Variants in SGCD observed in about 807,000 individuals in gnomAD.
SGCD encodes sarcoglycan delta.
Under a neutral mutation model 36.6 loss-of-function variants are expected in SGCD, and 18 were observed. That is an observed-to-expected ratio of 0.49 (90% CI 0.34 to 0.73). SGCD has a LOEUF of 0.73. Among genes scored for constraint, SGCD ranks in the 30% least tolerant of loss-of-function variants. SGCD has a pLI of 0.01. For synonymous variants in SGCD, 133 were observed against 130.6 expected, an observed-to-expected ratio of 1.02 and a Z score of -0.12; for missense variants, 387 against 346.7, an observed-to-expected ratio of 1.12 and a Z score of -0.92.
chr5:155,817,171 C>T, the SGCD span, among the ~76,000 whole-genome samples: 1 of 152,192 alleles, frequency 6.6e-6, no homozygotes, highest in South Asian at 2.1e-4. Context: ...CTTAATATTG[C>T]ATATTTAGAT....
At chr5:156,220,246 A>T (rs115765884) in intron 3 of SGCD, among the ~76,000 whole-genome samples, 1 of 152,280 alleles carries the variant, frequency 6.6e-6, no homozygotes, top group Non-Finnish European at 1.5e-5. Flanking sequence ...TTGCTATAGA[A>T]GTCCTGCTCC....
rs116258549 is a variant in SGCD at position 156,647,733 on chromosome 5, G to A, written c.575+197G>A. On this transcript the variant is annotated intron_variant, in intron 7 of 8. Transcript: ENST00000337851. ...AACTTAAAATTGAGGATCTGGATGG[G>A]GTAAAAGGTTGCCCACTTTGTGAAA... Among the ~76,000 whole-genome samples, 183 of 152,166 alleles carry A rather than the reference G, an allele frequency of 1.2e-3. 1 individual carries two copies. The highest frequency in any genetic ancestry group is 4.1e-3 in the African/African-American group (172 of 41,536).
chr5:156,091,870 G>A (rs1761252605), intron 1 of SGCD, among the ~76,000 whole-genome samples: 1 of 152,212 alleles, frequency 6.6e-6, no homozygotes, highest in Non-Finnish European at 1.5e-5. Context: ...GATTTCACAG[G>A]TGGCTGCCAC....
chr5:156,327,818 C>T (rs1767879980), intron 1 of SGCD, among the ~76,000 whole-genome samples: 1 of 152,128 alleles, frequency 6.6e-6, no homozygotes, highest in Non-Finnish European at 1.5e-5. Flanking sequence ...ATTTGACTGT[C>T]AGTGATATAT....
the SGCD span, among the ~76,000 whole-genome samples, chr5:155,837,583 A>G: frequency 4.6e-5 from 7 of 152,226 alleles, no homozygotes; most frequent in African/African-American, 1.7e-4. Flanking sequence ...AAAGAGGGAC[A>G]TAAGTCATGG....
intron 3 of SGCD, among the ~76,000 whole-genome samples, chr5:156,124,331 G>T (rs765488315): frequency 5.9e-5 from 9 of 152,000 alleles, no homozygotes; most frequent in Non-Finnish European, 1.2e-4. Context: ...GAGAAATGGG[G>T]GTAGATACTT....
intron 7 of SGCD, among the ~76,000 whole-genome samples, chr5:156,735,231 T>C (rs1281849555): frequency 6.6e-6 from 1 of 152,126 alleles, no homozygotes; most frequent in African/African-American, 2.4e-5. Context: ...AGACCCTGGT[T>C]GGGAGGCTCC....
intron 6 of SGCD, among the ~76,000 whole-genome samples, chr5:156,603,371 CA>C (rs1261197021): frequency 2.0e-5 from 3 of 151,470 alleles, no homozygotes; most frequent in Admixed American, 6.6e-5. Flanking sequence ...TTTATATTTT[CA>C]AAAAAACAAC....
At chr5:155,964,729 C>A (rs1188939024) in intron 1 of SGCD, among the ~76,000 whole-genome samples, 1 of 152,078 alleles carries the variant, frequency 6.6e-6, no homozygotes, top group Non-Finnish European at 1.5e-5. Flanking sequence ...GAATCCATGA[C>A]AGAGCTAAGA....
chr5:155,973,967 G>GT (rs1758058330), intron 1 of SGCD, among the ~76,000 whole-genome samples: 1 of 152,168 alleles, frequency 6.6e-6, no homozygotes, highest in South Asian at 2.1e-4. Context: ...GCAGATGAAA[G>GT]TAAGGGTGAA....
chr5:156,279,842 A>G (rs1051849483), intron 3 of SGCD, among the ~76,000 whole-genome samples: 1 of 152,144 alleles, frequency 6.6e-6, no homozygotes, highest in African/African-American at 2.4e-5. Context: ...GTTTTGTACA[A>G]AATTCAGGCA....
At chr5:156,428,296 TCTC>T (rs1773765826) in intron 3 of SGCD, among the ~76,000 whole-genome samples, 1 of 152,156 alleles carries the variant, frequency 6.6e-6, no homozygotes, top group Admixed American at 6.6e-5. Context: ...AATTTATCCA[TCTC>T]CTCTAGTGTT....
Position 155,954,579 on chromosome 5 carries a change from T to TG in SGCD, c.-282+84158dup, listed in dbSNP as rs1554106856. 9.4e-4 allele frequency among the ~76,000 whole-genome samples: 142 copies of TG among 150,688 alleles called. 1 individual carries two copies. Among genetic ancestry groups the TG allele is most frequent in the African/African-American group, 1.7e-3 (70 of 40,730 alleles). On this transcript the variant is annotated intron_variant, in intron 1 of 9. Transcript: ENST00000517913. Reference sequence around the variant, plus strand: ...TATGGGGTTCTTTTTTTTTTTTTTTTGGGTTAAATGACTAGAATATAAAAC... The same window carrying TG: ...TATGGGGTTCTTTTTTTTTTTTTTTTGGGGTTAAATGACTAGAATATAAAAC...
intron 3 of SGCD, among the ~76,000 whole-genome samples, chr5:156,381,280 C>A (rs893593184): frequency 6.6e-6 from 1 of 152,168 alleles, no homozygotes; most frequent in Non-Finnish European, 1.5e-5. Flanking sequence ...TGTGTTCATT[C>A]TGGAAAAAGA....
At chr5:156,527,483 G>A (rs1353313745) in intron 4 of SGCD, among the ~76,000 whole-genome samples, 2 of 152,092 alleles carry the variant, frequency 1.3e-5, no homozygotes, top group African/African-American at 4.8e-5. Context: ...GATGATGTGG[G>A]GAGTTAAAAC....
At chr5:156,563,227 C>T (rs571298028) in intron 4 of SGCD, among the ~76,000 whole-genome samples, 67 of 152,226 alleles carry the variant, frequency 4.4e-4, no homozygotes, top group Middle Eastern at 3.4e-3. Context: ...GGTGATCCAC[C>T]CACCTCGGCC....
intron 4 of SGCD, among the ~76,000 whole-genome samples, chr5:156,563,372 G>A (rs912240533): frequency 1.3e-5 from 2 of 152,012 alleles, no homozygotes; most frequent in Non-Finnish European, 1.5e-5. Context: ...CTTTTTAACC[G>A]ATAATTAGTC....
At chr5:156,622,313 A>G (rs1762279856) in intron 6 of SGCD, among the ~76,000 whole-genome samples, 1 of 151,702 alleles carries the variant, frequency 6.6e-6, no homozygotes, top group African/African-American at 2.4e-5. Context: ...GGCGCCTGTA[A>G]TCTCGGCTAC....
intron 3 of SGCD, among the ~76,000 whole-genome samples, chr5:156,385,567 A>G (rs1247442306): frequency 6.6e-6 from 1 of 152,248 alleles, no homozygotes; most frequent in Non-Finnish European, 1.5e-5. Context: ...TGGACAAGTG[A>G]TACAGAAAAC....
Sources: gnomAD v4.1 joint callset for allele counts (sites outside exome capture counted in the v4.1 genomes callset) on GRCh38, gnomAD v4.1.1 for gene constraint, MANE v1.5 for transcripts, NCBI Gene and HGNC (gene_info 2026-07-23, HGNC 2026-07-21) for gene names.